FSTL5: variants seen among roughly 807,000 people sequenced by gnomAD.
FSTL5 encodes the protein follistatin-related protein 5.
A neutral mutation model predicts 89.1 loss-of-function variants in FSTL5; 62 were observed. That is an observed-to-expected ratio of 0.70 (90% CI 0.57 to 0.86). The LOEUF (loss-of-function observed/expected upper bound fraction) is 0.86, where lower values mean the gene tolerates loss of function less well. FSTL5 is among the 40% of genes least tolerant of loss of function. FSTL5 has a pLI of 0.00. For synonymous variants in FSTL5, 383 were observed against 346.2 expected, an observed-to-expected ratio of 1.11 and a Z score of -1.18; for missense variants, 1,057 against 1,001.6, an observed-to-expected ratio of 1.06 and a Z score of -0.75.
intron 15 of FSTL5, among the ~76,000 whole-genome samples, chr4:161,419,236 C>T (rs529246246): frequency 1.3e-5 from 2 of 152,214 alleles, no homozygotes; most frequent in African/African-American, 4.8e-5. Context: ...TAGTTTATGT[C>T]CTCTTTATTA....
At chr4:161,742,443 G>A (rs780241721) in intron 6 of FSTL5, among the ~76,000 whole-genome samples, 3 of 152,166 alleles carry the variant, frequency 2.0e-5, no homozygotes, top group Non-Finnish European at 4.4e-5. Flanking sequence ...GATTCAAGAT[G>A]TACTTTTCAT....
intron 1 of FSTL5, among the ~76,000 whole-genome samples, chr4:162,129,352 G>T (rs1732207815): frequency 6.6e-6 from 1 of 152,106 alleles, no homozygotes; most frequent in South Asian, 2.1e-4. Flanking sequence ...TGTATGTTAA[G>T]CTTTAAAACA....
chr4:161,498,442 C>A (rs551703880), intron 12 of FSTL5, among the ~76,000 whole-genome samples: 1 of 152,072 alleles, frequency 6.6e-6, no homozygotes, highest in African/African-American at 2.4e-5. Context: ...TTTACTGATA[C>A]CCTGAAATAG....
chr4:161,885,057 A>G (rs1323774103), intron 4 of FSTL5, among the ~76,000 whole-genome samples: 1 of 152,160 alleles, frequency 6.6e-6, no homozygotes, highest in Non-Finnish European at 1.5e-5. Flanking sequence ...CAAAATGATC[A>G]AAGTAAAAAG....
At chr4:161,813,674 T>C (rs1017578710) in intron 4 of FSTL5, among the ~76,000 whole-genome samples, 2 of 152,196 alleles carry the variant, frequency 1.3e-5, no homozygotes, top group African/African-American at 4.8e-5. Context: ...AATTGACTTC[T>C]TTGCCTTAGT....
At chr4:161,804,888 G>A (rs1729911208) in intron 4 of FSTL5, among the ~76,000 whole-genome samples, 1 of 151,984 alleles carries the variant, frequency 6.6e-6, no homozygotes, top group African/African-American at 2.4e-5. Flanking sequence ...TCAGCCCCCT[G>A]GAAATGCTGT....
chr4:162,151,930 T>C (rs1373496476), intron 1 of FSTL5, among the ~76,000 whole-genome samples: 1 of 152,212 alleles, frequency 6.6e-6, no homozygotes, highest in Non-Finnish European at 1.5e-5. Context: ...TTGAGCTCCC[T>C]CTACTGATTT....
At chr4:161,405,836 C>A (rs1045149321) in intron 15 of FSTL5, among the ~76,000 whole-genome samples, 7 of 152,086 alleles carry the variant, frequency 4.6e-5, no homozygotes, top group African/African-American at 1.7e-4. Flanking sequence ...ATAAGATTAA[C>A]AACACATTTA....
chr4:161,752,654 A>AT, intron 6 of FSTL5, among the ~76,000 whole-genome samples: 1 of 152,158 alleles, frequency 6.6e-6, no homozygotes. Context: ...GTAAAATGTC[A>AT]TGGTGGTGCC....
At chr4:162,104,323 G>A (rs1048504087) in intron 2 of FSTL5, among the ~76,000 whole-genome samples, 3 of 152,020 alleles carry the variant, frequency 2.0e-5, no homozygotes, top group Non-Finnish European at 2.9e-5. Context: ...TCACCACATG[G>A]CCCAATACTC....
chr4:161,448,866 T>A (rs1733053193), intron 15 of FSTL5, among the ~76,000 whole-genome samples: 1 of 152,154 alleles, frequency 6.6e-6, no homozygotes. Flanking sequence ...CCATTCAAAT[T>A]GAAGAGTAAC....
intron 2 of FSTL5, among the ~76,000 whole-genome samples, chr4:162,046,031 G>A (rs1738161944): frequency 6.6e-6 from 1 of 151,994 alleles, no homozygotes; most frequent in African/African-American, 2.4e-5. Context: ...ATTTTTGTCT[G>A]CAGAAATTTT....
chr4:161,408,339 C>T (rs895518652), intron 15 of FSTL5, among the ~76,000 whole-genome samples: 18 of 152,156 alleles, frequency 1.2e-4, no homozygotes, highest in African/African-American at 4.3e-4. Context: ...CCCCCTCCTG[C>T]AAAACCAAGA....
intron 4 of FSTL5, among the ~76,000 whole-genome samples, chr4:161,869,486 T>G (rs1489694977): frequency 1.3e-5 from 2 of 152,166 alleles, no homozygotes; most frequent in Non-Finnish European, 2.9e-5. Flanking sequence ...CCCACACCCA[T>G]TCCACCTTCC....
chr4:161,969,951 C>T lies in FSTL5; in HGVS notation c.161-49299G>A, dbSNP rs575221064. 1.4e-3 allele frequency among the ~76,000 whole-genome samples: 220 copies of T among 151,932 alleles called. 1 individual carries two copies. The highest frequency in any genetic ancestry group is 2.3e-3 in the Non-Finnish European group (155 of 67,974). On this transcript the variant is annotated intron_variant, in intron 3 of 15. Coordinates refer to ENST00000306100, the MANE Select transcript of FSTL5 (RefSeq NM_020116.5). ...TTTTAGTATTACTGTGTGTGGGATT[C>T]GATGCAGAGGGTGAAAGGGTATGAG...
chr4:161,445,616 A>G (rs1208299557), intron 15 of FSTL5, among the ~76,000 whole-genome samples: 1 of 151,966 alleles, frequency 6.6e-6, no homozygotes, highest in Non-Finnish European at 1.5e-5. Flanking sequence ...TTAATTTCAA[A>G]TTTATCTGTT....
chr4:161,392,178 C>T (rs963252217), intron 15 of FSTL5, among the ~76,000 whole-genome samples: 1 of 152,054 alleles, frequency 6.6e-6, no homozygotes, highest in African/African-American at 2.4e-5. Flanking sequence ...AAAGGTCTAC[C>T]ACTTCTAGTG....
chr4:162,135,328 A>C (rs10025900), intron 1 of FSTL5, among the ~76,000 whole-genome samples: 1,675 of 151,998 alleles, frequency 0.011, 34 homozygotes, highest in African/African-American at 0.037. Context: ...TGTTATAATA[A>C]ATTATATGTT....
chr4:161,713,595 A>T (rs1354977315), intron 6 of FSTL5, among the ~76,000 whole-genome samples: 1 of 152,202 alleles, frequency 6.6e-6, no homozygotes, highest in Non-Finnish European at 1.5e-5. Flanking sequence ...GAATGAAAAA[A>T]GTATTACCTG....
Sources: gnomAD v4.1 joint callset for allele counts (sites outside exome capture counted in the v4.1 genomes callset) on GRCh38, gnomAD v4.1.1 for gene constraint, MANE v1.5 for transcripts, NCBI Gene and HGNC (gene_info 2026-07-23, HGNC 2026-07-21) for gene names.